GRIN2B: variants seen among roughly 807,000 people sequenced by gnomAD.
GRIN2B encodes the protein glutamate ionotropic receptor NMDA type subunit 2B, also known as glutamate receptor ionotropic, NMDA 2B.
GRIN2B carries 5 observed loss-of-function variants against 114.5 expected under a neutral mutation model. The observed-to-expected ratio is 0.04, with a 90% CI of 0.02 to 0.09. GRIN2B has a LOEUF of 0.09. GRIN2B is among the 10% of genes least tolerant of loss of function. The pLI, the probability that GRIN2B is intolerant of heterozygous loss-of-function variation, is 1.00. For synonymous variants in GRIN2B, 787 were observed against 745.1 expected (o/e 1.06, Z -0.92); for missense variants, 1,108 against 1,943.5 (o/e 0.57, Z 8.08).
intron 4 of GRIN2B, among the ~76,000 whole-genome samples, chr12:13,734,269 A>G (rs1863144030): frequency 6.6e-6 from 1 of 152,238 alleles, no homozygotes; most frequent in African/African-American, 2.4e-5. Flanking sequence ...TCTAGGCACA[A>G]GCTAATGAGG....
At chr12:13,693,484 T>C (rs541909443) in intron 4 of GRIN2B, among the ~76,000 whole-genome samples, 1 of 152,314 alleles carries the variant, frequency 6.6e-6, no homozygotes, top group Non-Finnish European at 1.5e-5. Flanking sequence ...AGCTCTCCAG[T>C]ATTTTTATGC....
At chr12:13,618,952 A>G (rs1234102084) in intron 5 of GRIN2B, among the ~76,000 whole-genome samples, 2 of 150,278 alleles carry the variant, frequency 1.3e-5, no homozygotes, top group Admixed American at 1.3e-4. Context: ...ACTTTGATAG[A>G]TTTGAAAGGA....
chr12:13,813,985 TG>T (rs1432689423), intron 3 of GRIN2B, among the ~76,000 whole-genome samples: 3 of 152,212 alleles, frequency 2.0e-5, no homozygotes, highest in African/African-American at 4.8e-5. Flanking sequence ...CAGATCAACA[TG>T]GGCAATGACT....
chr12:13,866,642 G>A (rs972950734), intron 2 of GRIN2B, among the ~76,000 whole-genome samples: 1 of 152,144 alleles, frequency 6.6e-6, no homozygotes, highest in Non-Finnish European at 1.5e-5. Context: ...GCTCAGCAGA[G>A]GTGAGCAACA....
At chr12:13,675,540 C>CA (rs1021128427) in intron 5 of GRIN2B, among the ~76,000 whole-genome samples, 1 of 152,102 alleles carries the variant, frequency 6.6e-6, no homozygotes, top group Non-Finnish European at 1.5e-5. Context: ...TGGTAATACA[C>CA]AAAGAAAACA....
chr12:13,789,395 G>T (rs777878131), intron 3 of GRIN2B, among the ~76,000 whole-genome samples: 12 of 152,194 alleles, frequency 7.9e-5, no homozygotes, highest in Non-Finnish European at 1.6e-4. Flanking sequence ...AAAGGACTTG[G>T]ATGAGGGAAA....
At chr12:13,868,168 G>C (rs1865855539) in intron 2 of GRIN2B, among the ~76,000 whole-genome samples, 1 of 152,082 alleles carries the variant, frequency 6.6e-6, no homozygotes, top group Non-Finnish European at 1.5e-5. Context: ...TGTATTGATT[G>C]CCTTGTCTCT....
chr12:13,749,269 T>A (rs976993197), intron 4 of GRIN2B, among the ~76,000 whole-genome samples: 1 of 152,196 alleles, frequency 6.6e-6, no homozygotes, highest in African/African-American at 2.4e-5. Flanking sequence ...CTTCTCTCCA[T>A]CCCCTAAGTG....
At position 13,615,804 on chromosome 12, in the gene GRIN2B, C is replaced by T. The variant is rs750132514; in HGVS notation, c.1329-140G>A. ...AGCTCAGCACAATTTATACTAGACT[C>T]GAGTGAAGAAATAAAGCAGGCAACA... On this transcript the variant is annotated intron_variant, in intron 6 of 13. Transcript: ENST00000609686. The surrounding 1 kb of genome is among the most constrained non-coding windows in gnomAD (Gnocchi z 5.8). 2.4e-4 allele frequency: 174 copies of T among 725,370 alleles called. No individual in the cohort carries two copies. The highest frequency in any genetic ancestry group is 3.9e-4 in the Non-Finnish European group (156 of 402,392). The allele number at this position is 725,370 out of a possible 1,614,324, so 44.9% of individuals were successfully genotyped here.
At chr12:13,567,872 T>C (rs1269514238) in intron 12 of GRIN2B, among the ~76,000 whole-genome samples, 1 of 152,062 alleles carries the variant, frequency 6.6e-6, no homozygotes, top group Non-Finnish European at 1.5e-5. Context: ...GATCTGAGTA[T>C]CAGATTAAGC....
At chr12:13,863,627 G>A (rs563452357) in intron 3 of GRIN2B, among the ~76,000 whole-genome samples, 25 of 152,272 alleles carry the variant, frequency 1.6e-4, no homozygotes, top group African/African-American at 5.3e-4. Flanking sequence ...AGCACTAAGC[G>A]CCTAGCATAT....
At chr12:13,605,065 CA>C (rs1949219277) in intron 10 of GRIN2B, among the ~76,000 whole-genome samples, 1 of 128,848 alleles carries the variant, frequency 7.8e-6, no homozygotes, top group African/African-American at 2.9e-5. Context: ...TCTCTCCCCA[CA>C]GACTCTTTTT....
At chr12:13,698,183 C>G (rs939577467) in intron 4 of GRIN2B, among the ~76,000 whole-genome samples, 3 of 152,268 alleles carry the variant, frequency 2.0e-5, no homozygotes, top group Admixed American at 1.3e-4. Context: ...CGCGTGCATG[C>G]TGTTCTATAC....
chr12:13,866,256 A>G, intron 2 of GRIN2B, 30 bp from the exon 3 acceptor site: 1 of 1,586,208 alleles, frequency 6.3e-7, no homozygotes, highest in Non-Finnish European at 8.6e-7. Flanking sequence ...GCATGTTAAA[A>G]TAGGATCTAC....
intron 3 of GRIN2B, among the ~76,000 whole-genome samples, chr12:13,809,090 A>G (rs1864677436): frequency 6.6e-6 from 1 of 152,148 alleles, no homozygotes; most frequent in African/African-American, 2.4e-5. Flanking sequence ...TGTGCATTGT[A>G]AGATGTTGAG....
At chr12:13,589,547 C>T (rs1022383627) in intron 10 of GRIN2B, among the ~76,000 whole-genome samples, 2 of 152,198 alleles carry the variant, frequency 1.3e-5, no homozygotes, top group African/African-American at 4.8e-5. Context: ...CAGAGCTGTT[C>T]TGATTTTCCT....
chr12:13,880,099 G>C (rs550802757), intron 2 of GRIN2B, among the ~76,000 whole-genome samples: 5 of 152,328 alleles, frequency 3.3e-5, no homozygotes, highest in Admixed American at 2.6e-4. Context: ...ACACAGGACT[G>C]TCAGGGCCGC....
intron 4 of GRIN2B, among the ~76,000 whole-genome samples, chr12:13,711,253 T>C (rs1193742966): frequency 1.3e-5 from 2 of 151,874 alleles, no homozygotes; most frequent in Admixed American, 6.6e-5. Flanking sequence ...ACTTACATGT[T>C]AGACCTAAAA....
At chr12:13,777,118 A>G (rs767813177) in intron 3 of GRIN2B, among the ~76,000 whole-genome samples, 5 of 152,154 alleles carry the variant, frequency 3.3e-5, no homozygotes, top group African/African-American at 9.7e-5. Flanking sequence ...AGAAGAATCT[A>G]AGTAAGAATC....
Sources: gnomAD v4.1 joint callset for allele counts (sites outside exome capture counted in the v4.1 genomes callset) on GRCh38, gnomAD v4.1.1 for gene constraint, Gnocchi (gnomAD v3.1) non-coding constraint, MANE v1.5 for transcripts, NCBI Gene and HGNC (gene_info 2026-07-23, HGNC 2026-07-21) for gene names.